Variants in KCNQ5 observed in about 807,000 individuals in gnomAD.
KCNQ5 encodes potassium voltage-gated channel subfamily Q member 5, also known as potassium voltage-gated channel subfamily KQT member 5.
KCNQ5 carries 30 observed loss-of-function variants against 98.2 expected under a neutral mutation model. The ratio of observed to expected loss-of-function variants is 0.31; its 90% CI spans 0.23 to 0.41. KCNQ5 has a LOEUF of 0.41. KCNQ5 is among the 10% of genes least tolerant of loss of function. The pLI is 1.00. For missense variants in KCNQ5, 835 were observed against 1,182.5 expected (o/e 0.71, Z 4.31); for synonymous variants, 458 against 449.4 (o/e 1.02, Z -0.24).
intron 1 of KCNQ5, among the ~76,000 whole-genome samples, chr6:72,962,550 C>T (rs1191894923): frequency 6.6e-6 from 1 of 152,038 alleles, no homozygotes; most frequent in Non-Finnish European, 1.5e-5. Context: ...GAGAGAGAAG[C>T]CATGTCTGGG....
chr6:73,182,971 C>T (rs995387419), intron 11 of KCNQ5, among the ~76,000 whole-genome samples: 2 of 152,098 alleles, frequency 1.3e-5, no homozygotes, highest in Non-Finnish European at 2.9e-5. Context: ...TAGCCATGGA[C>T]TGATTCCCAG....
chr6:73,011,036 T>G (rs1348812258), intron 2 of KCNQ5, among the ~76,000 whole-genome samples: 1 of 152,002 alleles, frequency 6.6e-6, no homozygotes, highest in Non-Finnish European at 1.5e-5. Context: ...ATATAGAATT[T>G]TAAAGGACCC....
chr6:72,832,567 A>G (rs1422511320), intron 1 of KCNQ5, among the ~76,000 whole-genome samples: 2 of 152,190 alleles, frequency 1.3e-5, no homozygotes, highest in East Asian at 3.9e-4. Context: ...GTTTGCCAAA[A>G]GAAAATCCCT....
At chr6:73,124,418 A>C in intron 8 of KCNQ5, 68 bp from the exon 9 acceptor site, 1 of 1,490,256 alleles carries the variant, frequency 6.7e-7, no homozygotes. Flanking sequence ...CAATTTGGCC[A>C]TTATCAAGTG....
chr6:73,001,089 T>A (rs978688352), intron 1 of KCNQ5, among the ~76,000 whole-genome samples: 4 of 152,348 alleles, frequency 2.6e-5, no homozygotes, highest in Admixed American at 2.0e-4. Context: ...TCCAGAAATT[T>A]CTCTTGTTGA....
chr6:72,627,528 G>A (rs2098918574), intron 1 of KCNQ5, among the ~76,000 whole-genome samples: 1 of 152,190 alleles, frequency 6.6e-6, no homozygotes, highest in African/African-American at 2.4e-5. Context: ...AGATTTCATT[G>A]GATTTCTTAT....
rs141762043 is a variant in KCNQ5 at position 73,194,469 on chromosome 6, C to G, written c.1854C>G (p.Ser618=). 6.2e-7 allele frequency: 1 copy of G among 1,613,362 alleles called. No homozygotes were observed. Among genetic ancestry groups the G allele is most frequent in the African/African-American group, 1.3e-5 (1 of 74,896 alleles). Residue 618 remains serine, a synonymous_variant, in exon 14 of 14, where the codon TCC becomes TCG. Coordinates refer to ENST00000370398, the MANE Select transcript of KCNQ5 (RefSeq NM_019842.4). ...ACTTCTAGGTACAGTCCATAGAATC[C>G]AAGCTGGACTGCCTACTAGACATCT... ...KVEKQVQSIE[S]KLDCLLDIYQ...
At chr6:73,017,887 C>T (rs551795804) in intron 2 of KCNQ5, among the ~76,000 whole-genome samples, 5 of 152,092 alleles carry the variant, frequency 3.3e-5, no homozygotes, top group Non-Finnish European at 5.9e-5. Flanking sequence ...ACCAAAACAG[C>T]TCTCAGGGGA....
intron 3 of KCNQ5, among the ~76,000 whole-genome samples, chr6:73,060,869 T>C (rs1304593879): frequency 6.6e-6 from 1 of 152,160 alleles, no homozygotes; most frequent in African/African-American, 2.4e-5. Context: ...ACACACTTTA[T>C]TGATGAGACT....
intron 1 of KCNQ5, among the ~76,000 whole-genome samples, chr6:72,863,845 T>C (rs1777865732): frequency 6.6e-6 from 1 of 152,244 alleles, no homozygotes; most frequent in African/African-American, 2.4e-5. Flanking sequence ...ATCAATTATT[T>C]AAATTTATGT....
intron 1 of KCNQ5, among the ~76,000 whole-genome samples, chr6:72,745,210 C>A (rs963386425): frequency 6.6e-6 from 1 of 152,126 alleles, no homozygotes; most frequent in African/African-American, 2.4e-5. Context: ...AAATTGTGTT[C>A]TTTTCCATGT....
At chr6:73,007,867 G>C (rs1352903064) in intron 2 of KCNQ5, among the ~76,000 whole-genome samples, 7 of 152,048 alleles carry the variant, frequency 4.6e-5, no homozygotes, top group Admixed American at 3.9e-4. Context: ...TGACTTCTAG[G>C]GGATTAAAAC....
intron 1 of KCNQ5, among the ~76,000 whole-genome samples, chr6:72,734,395 C>T (rs1468880265): frequency 6.6e-6 from 1 of 152,066 alleles, no homozygotes; most frequent in Non-Finnish European, 1.5e-5. Flanking sequence ...GATCTCGGCT[C>T]ACTGCAAGCT....
At chr6:72,808,026 C>G (rs1289481571) in intron 1 of KCNQ5, among the ~76,000 whole-genome samples, 1 of 152,040 alleles carries the variant, frequency 6.6e-6, no homozygotes. Context: ...ATTCACTTGC[C>G]AAAGAAGAGT....
intron 1 of KCNQ5, among the ~76,000 whole-genome samples, chr6:72,827,803 C>T (rs1934820452): frequency 6.6e-6 from 1 of 152,002 alleles, no homozygotes; most frequent in African/African-American, 2.4e-5. Context: ...AATATTTTCC[C>T]AGTCCAATGT....
intron 1 of KCNQ5, among the ~76,000 whole-genome samples, chr6:72,883,420 C>T (rs756284372): frequency 2.0e-5 from 3 of 151,764 alleles, no homozygotes; most frequent in Non-Finnish European, 2.9e-5. Flanking sequence ...TGAGCTCATG[C>T]TCTATTAAAA....
intron 1 of KCNQ5, among the ~76,000 whole-genome samples, chr6:72,901,076 A>G (rs1390743605): frequency 6.6e-6 from 1 of 151,526 alleles, no homozygotes; most frequent in African/African-American, 2.4e-5. Flanking sequence ...TGCTGCACCC[A>G]TTAACTCATC....
At chr6:72,722,849 C>CTTT (rs539617196) in intron 1 of KCNQ5, among the ~76,000 whole-genome samples, 6,724 of 126,218 alleles carry the variant, frequency 0.053, 523 homozygotes, top group African/African-American at 0.16. Context: ...GTTTGGTTGA[C>CTTT]TTTTTTTTTT....
At position 72,779,865 on chromosome 6, in the gene KCNQ5, G is replaced by A. The variant is rs961438593; in HGVS notation, c.398+157278G>A. On this transcript the variant is annotated intron_variant, in intron 1 of 13. Coordinates refer to ENST00000370398, the MANE Select transcript of KCNQ5 (RefSeq NM_019842.4). ...TGTGTGTGTGTGTGTGTGTGTGTGT[G>A]TGTGTGTGTGTGTGTGTAAAGATGG... Among the ~76,000 whole-genome samples the A allele has an allele frequency of 2.9e-4, 27 of 91,634 alleles. 1 individual carries two copies. The highest frequency in any genetic ancestry group is 1.8e-4 in the Non-Finnish European group (7 of 38,456). The allele number at this position is 91,634 out of a possible 152,430, so 60.1% of individuals were successfully genotyped here. A position where few individuals can be genotyped will look rare whatever the true frequency, so the allele number is the denominator to read the frequency against.
Sources: allele counts gnomAD v4.1 joint callset (sites outside exome capture counted in the v4.1 genomes callset), GRCh38; gene constraint gnomAD v4.1.1; transcripts MANE v1.5; gene names NCBI Gene and HGNC (gene_info 2026-07-23, HGNC 2026-07-21).